Variants in ARHGAP21 observed in about 807,000 individuals in gnomAD.
ARHGAP21 encodes rho GTPase-activating protein 21.
ARHGAP21 carries 38 observed loss-of-function variants against 164.6 expected under a neutral mutation model. That is an observed-to-expected ratio of 0.23 (90% CI 0.18 to 0.30). The LOEUF is 0.30. Among genes scored for constraint, ARHGAP21 ranks in the 10% least tolerant of loss-of-function variants. ARHGAP21 has a pLI of 1.00. For synonymous variants in ARHGAP21, 766 were observed against 857.9 expected, an observed-to-expected ratio of 0.89 and a Z score of 1.87; for missense variants, 1,822 against 2,370.7, an observed-to-expected ratio of 0.77 and a Z score of 4.81.
chr10:24,660,810 G>A (rs901906137), intron 4 of ARHGAP21, among the ~76,000 whole-genome samples: 10 of 152,084 alleles, frequency 6.6e-5, no homozygotes, highest in Non-Finnish European at 1.2e-4. Context: ...ATGGTGCAGC[G>A]ATTGTGAAGA....
chr10:24,687,945 A>G (rs757513869), intron 2 of ARHGAP21, among the ~76,000 whole-genome samples: 1 of 152,260 alleles, frequency 6.6e-6, no homozygotes, highest in African/African-American at 2.4e-5. Context: ...GTATGTATAA[A>G]TAAGTTTTTA....
At chr10:24,641,436 A>G (rs981663282) in intron 4 of ARHGAP21, among the ~76,000 whole-genome samples, 4 of 152,164 alleles carry the variant, frequency 2.6e-5, no homozygotes, top group African/African-American at 7.2e-5. Flanking sequence ...CAAGTCTCCA[A>G]TCTGCAGATC....
At chr10:24,587,354 G>C (rs2076148496) in intron 25 of ARHGAP21, among the ~76,000 whole-genome samples, 1 of 152,016 alleles carries the variant, frequency 6.6e-6, no homozygotes, top group Non-Finnish European at 1.5e-5. Context: ...CACTTTTTAA[G>C]ACAAGCAGGT....
chr10:24,596,729 G>A lies in ARHGAP21; in HGVS notation c.3477+11C>T, dbSNP rs774597088. Reference sequence around the variant, plus strand: ...TGACTTGAGGAAATCCGGTGGGCTGGTGTCTCCTACCCGATTAGTATGAGC... The same window carrying A: ...TGACTTGAGGAAATCCGGTGGGCTGATGTCTCCTACCCGATTAGTATGAGC... On this transcript the variant is annotated intron_variant, in intron 17 of 25. Transcript: ENST00000396432. 9.3e-6 allele frequency: 15 copies of A among 1,613,398 alleles called. No individual in the cohort carries two copies. Among genetic ancestry groups the A allele is most frequent in the Non-Finnish European group, 1.3e-5 (15 of 1,179,790 alleles).
At chr10:24,657,180 CCCGG>C (rs1839115432) in intron 4 of ARHGAP21, among the ~76,000 whole-genome samples, 1 of 23,504 alleles carries the variant, frequency 4.3e-5, no homozygotes, top group Non-Finnish European at 7.9e-5. Context: ...GGCGCCTCTG[CCCGG>C]CCACCCCTAC....
intron 6 of ARHGAP21, among the ~76,000 whole-genome samples, chr10:24,632,243 A>G (rs1484169097): frequency 2.0e-5 from 3 of 152,252 alleles, no homozygotes; most frequent in Admixed American, 6.5e-5. Flanking sequence ...TAGATTTTGA[A>G]GAAAACAATG....
At chr10:24,717,670 G>T (rs370746169) in intron 2 of ARHGAP21, among the ~76,000 whole-genome samples, 16 of 152,052 alleles carry the variant, frequency 1.1e-4, no homozygotes, top group Non-Finnish European at 1.9e-4. Flanking sequence ...ACAGAAGCGC[G>T]GACCAAATTA....
At chr10:24,608,475 C>CTAA (rs1450633983) in intron 9 of ARHGAP21, among the ~76,000 whole-genome samples, 1 of 152,130 alleles carries the variant, frequency 6.6e-6, no homozygotes, top group Non-Finnish European at 1.5e-5. Flanking sequence ...GATTTAAATT[C>CTAA]TAATACTTGA....
intron 14 of ARHGAP21, among the ~76,000 whole-genome samples, chr10:24,600,371 C>G (rs536094226): frequency 6.6e-6 from 1 of 152,062 alleles, no homozygotes; most frequent in South Asian, 2.1e-4. Flanking sequence ...ATAACTTGGT[C>G]ACAAACAACC....
In ARHGAP21 at chr10:24,636,655, A is replaced by G. The variant is rs1053279960; in HGVS notation, c.269-1552T>C. On this transcript the variant is annotated intron_variant, in intron 4 of 25. Coordinates refer to ENST00000396432, the MANE Select transcript of ARHGAP21 (RefSeq NM_020824.4). The stretch of plus-strand genomic sequence containing the variant: ...GATGGCTTAAAGGAAGTTACTTAAT[A>G]AAGGAATATCTATCACTAGCTCCCC... Among the ~76,000 whole-genome samples the G allele has an allele frequency of 1.1e-4, 17 of 152,218 alleles. 1 individual carries two copies. Among genetic ancestry groups the G allele is most frequent in the Admixed American group, 1.1e-3 (17 of 15,282 alleles).
chr10:24,651,384 G>T (rs1372395137), intron 4 of ARHGAP21, among the ~76,000 whole-genome samples: 3 of 152,110 alleles, frequency 2.0e-5, no homozygotes, highest in Admixed American at 6.6e-5. Context: ...CTGTCTCATG[G>T]TCTCAGGTTT....
intron 21 of ARHGAP21, among the ~76,000 whole-genome samples, chr10:24,593,972 G>A (rs1002795134): frequency 1.3e-5 from 2 of 151,906 alleles, no homozygotes; most frequent in Non-Finnish European, 2.9e-5. Context: ...AGGTAATAGA[G>A]GTTGACACTC....
At chr10:24,662,916 A>C (rs530938755) in intron 4 of ARHGAP21, among the ~76,000 whole-genome samples, 1 of 151,262 alleles carries the variant, frequency 6.6e-6, no homozygotes, top group South Asian at 2.1e-4. Context: ...CTACATTTCA[A>C]TTACAGTTGT....
intron 2 of ARHGAP21, among the ~76,000 whole-genome samples, chr10:24,695,987 T>C (rs1427227417): frequency 1.3e-5 from 2 of 152,178 alleles, no homozygotes; most frequent in African/African-American, 4.8e-5. Flanking sequence ...GAAACTGAGA[T>C]AATAAATGTT....
intron 4 of ARHGAP21, among the ~76,000 whole-genome samples, chr10:24,651,136 A>ACAC (rs1838120245): frequency 6.6e-6 from 1 of 152,172 alleles, no homozygotes; most frequent in African/African-American, 2.4e-5. Context: ...CTTCTGAAGA[A>ACAC]CTTGCCGAGG....
At chr10:24,719,098 T>TACACAC (rs57863565) in intron 2 of ARHGAP21, among the ~76,000 whole-genome samples, 22,934 of 147,394 alleles carry the variant, frequency 0.16, 2,090 homozygotes, top group East Asian at 0.32. Context: ...CTTCACGGAC[T>TACACAC]ACACACACAC....
intron 2 of ARHGAP21, among the ~76,000 whole-genome samples, chr10:24,675,265 T>C (rs190765768): frequency 6.6e-6 from 1 of 152,332 alleles, no homozygotes; most frequent in African/African-American, 2.4e-5. Context: ...TTGATATATG[T>C]AGCAATATGT....
intron 25 of ARHGAP21, among the ~76,000 whole-genome samples, chr10:24,587,248 T>C (rs1341576612): frequency 1.3e-5 from 2 of 152,090 alleles, no homozygotes; most frequent in African/African-American, 4.8e-5. Flanking sequence ...CCTCCCAAAG[T>C]GCCAGGATTT....
chr10:24,628,042 T>C (rs1484102680), intron 7 of ARHGAP21, among the ~76,000 whole-genome samples: 1 of 152,200 alleles, frequency 6.6e-6, no homozygotes, highest in Non-Finnish European at 1.5e-5. Context: ...GCCAGGTAAA[T>C]CCTTCGCTAC....
Sources: gnomAD v4.1 joint callset for allele counts (sites outside exome capture counted in the v4.1 genomes callset) on GRCh38, gnomAD v4.1.1 for gene constraint, MANE v1.5 for transcripts, NCBI Gene and HGNC (gene_info 2026-07-23, HGNC 2026-07-21) for gene names.